TBXT: variants seen among roughly 807,000 people sequenced by gnomAD.
TBXT encodes the protein T-box transcription factor T, also known as T brachyury transcription factor.
In TBXT, 19 loss-of-function variants were observed where a neutral mutation model predicts 41.1. The ratio of observed to expected loss-of-function variants is 0.46; its 90% confidence interval spans 0.32 to 0.68. The LOEUF (loss-of-function observed/expected upper bound fraction) is 0.68. Among genes scored for constraint, TBXT ranks in the 30% least tolerant of loss-of-function variants. The probability of loss-of-function intolerance (pLI) is 0.03; values close to 1 mark genes in which losing one functional copy is unlikely to be tolerated. For missense variants in TBXT, 536 were observed against 582.0 expected (o/e 0.92, Z 0.81); for synonymous variants, 213 against 238.9 (o/e 0.89, Z 1.00).
At chr6:166,166,910 G>A in intron 1 of TBXT, 54 bp from the exon 2 acceptor site, 2 of 1,610,778 alleles carry the variant, frequency 1.2e-6, no homozygotes, top group Non-Finnish European at 1.7e-6. Context: ...AGGTAGGCCG[G>A]AGGCAGAAGC....
Position 166,158,161 on chromosome 6 carries a change from G to A in TBXT, c.*154C>T, listed in dbSNP as rs79882341. On this transcript the variant is annotated 3_prime_UTR_variant, in exon 8 of 8. Transcript: ENST00000366876. ...TGCTGGGGCTCTGGGGAAAGGTGCCGTGTGCTCCTCCACTGCTTTGAAAAG... is the reference window on the plus strand; with the variant it reads ...TGCTGGGGCTCTGGGGAAAGGTGCCATGTGCTCCTCCACTGCTTTGAAAAG... 2.3e-3 allele frequency: 2,669 copies of A among 1,171,876 alleles called. 32 individuals are homozygous for A. The highest frequency in any genetic ancestry group is 0.022 in the African/African-American group (1,466 of 66,912). 72.6% of individuals were successfully genotyped at this position (1,171,876 alleles called of 1,614,324 possible).
At position 166,167,805 on chromosome 6, in the gene TBXT, A is replaced by G; in HGVS notation, c.-214T>C. On this transcript the variant is annotated 5_prime_UTR_variant, in exon 1 of 8. Transcript: ENST00000366876. ...GGGACGGGGGCAGAGGGGTGGGGAG[A>G]AGTTATTCCACTTGAACTCCCCAAG... 3 of 620,154 alleles carry G rather than the reference A, an allele frequency of 4.8e-6. No homozygotes were observed. Among genetic ancestry groups the G allele is most frequent in the Non-Finnish European group, 8.5e-6 (3 of 354,420 alleles). The allele number at this position is 620,154 out of a possible 1,614,324, so 38.4% of individuals were successfully genotyped here. A position where few individuals can be genotyped will look rare whatever the true frequency, so the allele number is the denominator to read the frequency against.
chr6:166,164,696 G>C, intron 4 of TBXT, 30 bp from the exon 5 acceptor site: 1 of 1,611,822 alleles, frequency 6.2e-7, no homozygotes, highest in Non-Finnish European at 8.5e-7. Context: ...AAAGTATATC[G>C]AATTTTCAAA....
chr6:166,166,777 C>A lies in TBXT; in HGVS notation c.286G>T (p.Ala96Ser). 6.2e-7 allele frequency: 1 copy of A among 1,613,878 alleles called. No individual in the cohort carries two copies. Among genetic ancestry groups the A allele is most frequent in the South Asian group, 1.1e-5 (1 of 91,086 alleles). ...AMYSFLLDFV[A>S]ADNHRWKYVN... ...TACTTCCAGCGGTGGTTGTCCGCCG[C>A]CACGAAGTCCAGCAGGAAGGAGTAC... Residue 96 changes from alanine to serine, a missense_variant, in exon 2 of 8, where the codon GCG (alanine) becomes TCG (serine). Physicochemically the swap from Ala to Ser is moderately conservative, Grantham distance 99 (BLOSUM62 1). Coordinates refer to ENST00000366876, the MANE Select transcript of TBXT (RefSeq NM_001366285.2).
upstream of TBXT, chr6:166,167,920 T>G: frequency 2.4e-6 from 1 of 424,072 alleles, no homozygotes; most frequent in East Asian, 4.8e-5. Flanking sequence ...CTCGGCGGAT[T>G]GGGCCGCGCA....
rs923362080 is a variant in TBXT, at chr6:166,167,709, T to C, written c.-118A>G. ...AAAAGGGGCCCCTTGGACCGAGACCTGCGACGGCTCCCGGGTCCCGGGTCC... is the reference window on the plus strand; with the variant it reads ...AAAAGGGGCCCCTTGGACCGAGACCCGCGACGGCTCCCGGGTCCCGGGTCC... On this transcript the variant is annotated 5_prime_UTR_variant, in exon 1 of 8. Coordinates refer to ENST00000366876, the MANE Select transcript of TBXT (RefSeq NM_001366285.2). 7.4e-7 allele frequency: 1 copy of C among 1,343,752 alleles called. No individual in the cohort carries two copies. The highest frequency in any genetic ancestry group is 2.1e-5 in the Admixed American group (1 of 47,038). 83.2% of individuals were successfully genotyped at this position (1,343,752 alleles called of 1,614,324 possible). A position where few individuals can be genotyped will look rare whatever the true frequency, so the allele number is the denominator to read the frequency against.
At chr6:166,161,899 G>T (rs1439550054) in intron 6 of TBXT, among the ~76,000 whole-genome samples, 1 of 151,918 alleles carries the variant, frequency 6.6e-6, no homozygotes, top group Non-Finnish European at 1.5e-5. Context: ...CTCCAGCCTG[G>T]GCGACAGAGC....
Position 166,165,748 on chromosome 6 carries a change from A to G in TBXT, c.564T>C (p.Pro188=). Residue 188 remains proline (P), a synonymous_variant, in exon 3 of 8, where the codon CCT becomes CCC. Transcript: ENST00000366876. ...CAGTCACCGCTATGAACTGGGTCTC[A>G]GGGAAGCAGTGGCTGGTGATCATGC... is the stretch of plus-strand genomic sequence containing the variant. ...PQRMITSHCF[P]ETQFIAVTAY... 1 of 1,613,586 alleles carries G rather than the reference A, an allele frequency of 6.2e-7. No homozygotes were observed. The highest frequency in any genetic ancestry group is 1.1e-5 in the South Asian group (1 of 91,062).
intron 1 of TBXT, among the ~76,000 whole-genome samples, 159 bp from the exon 2 acceptor site, chr6:166,167,015 C>G (rs886964061): frequency 3.3e-5 from 5 of 152,240 alleles, no homozygotes; most frequent in African/African-American, 1.2e-4. Context: ...CGAGCCCTGC[C>G]AGGTCCAGGT....
Position 166,167,617 on chromosome 6 carries a change from C to T in TBXT, c.-26G>A, listed in dbSNP as rs956169775. On this transcript the variant is annotated 5_prime_UTR_variant, in exon 1 of 8. Transcript: ENST00000366876. ...CCTCCCGTCCGGCTCCCCTCCCCGC[C>T]GTCCCCGAAGCCCAGACTCGCTACC... 9 of 1,541,018 alleles carry T rather than the reference C, an allele frequency of 5.8e-6. No individual in the cohort carries two copies. The highest frequency in any genetic ancestry group is 2.4e-5 in the East Asian group (1 of 40,956).
At chr6:166,161,336 G>A (rs1778949685) in intron 6 of TBXT, among the ~76,000 whole-genome samples, 1 of 152,196 alleles carries the variant, frequency 6.6e-6, no homozygotes, top group Non-Finnish European at 1.5e-5. Flanking sequence ...ATGGGCGATA[G>A]AAACCATTAC....
Position 166,157,972 on chromosome 6 carries a change from A to G in TBXT, c.*343T>C, listed in dbSNP as rs1253178771. The G allele has an allele frequency of 5.0e-6, 2 of 401,738 alleles. No individual in the cohort carries two copies. The highest frequency in any genetic ancestry group is 9.3e-6 in the Non-Finnish European group (2 of 215,428). The allele number at this position is 401,738 out of a possible 1,614,324, so 24.9% of individuals were successfully genotyped here. On this transcript the variant is annotated 3_prime_UTR_variant, in exon 8 of 8. Transcript: ENST00000366876. ...GGAGTTTACAAATTCTGGTGTGCCA[A>G]AGTTGCCAATACACTGTATGAGAAA...
At chr6:166,161,086 T>C (rs1778942684) in intron 6 of TBXT, 120 bp from the exon 7 acceptor site, 2 of 1,311,086 alleles carry the variant, frequency 1.5e-6, no homozygotes, top group Admixed American at 3.7e-5. Context: ...GTACATGGGA[T>C]ATTAACTGTA....
intron 3 of TBXT, 37 bp from the exon 4 acceptor site, chr6:166,164,898 C>T (rs1779067346): frequency 6.4e-7 from 1 of 1,565,694 alleles, no homozygotes; most frequent in South Asian, 1.1e-5. Flanking sequence ...AGTATATTCC[C>T]TATTAGCCAG....
rs1778984071 is a variant in TBXT at position 166,162,373 on chromosome 6, C to A, written c.907+74G>T. 5 of 1,548,768 alleles carry A rather than the reference C, an allele frequency of 3.2e-6. 1 individual carries two copies. In the South Asian group the frequency reaches 5.6e-5, roughly 17 times the overall value. ...TCTCCATTTTTTTAGATTCTAGACT[C>A]CTGCAGAATGCCTTTCCCAAAGTGG... On this transcript the variant is annotated intron_variant, in intron 6 of 7. Coordinates refer to ENST00000366876, the MANE Select transcript of TBXT (RefSeq NM_001366285.2).
upstream of TBXT, chr6:166,167,881 A>C: frequency 2.0e-6 from 1 of 508,966 alleles, no homozygotes; most frequent in Non-Finnish European, 3.6e-6. Flanking sequence ...CCTCCCCATA[A>C]ATAGAGCCGC....
At chr6:166,166,941 A>T in intron 1 of TBXT, 85 bp from the exon 2 acceptor site, 6 of 1,601,440 alleles carry the variant, frequency 3.7e-6, no homozygotes, top group Non-Finnish European at 5.1e-6. Context: ...GGCCTCAGTT[A>T]TTTCGGGGCA....
At chr6:166,163,372 T>C (rs1276743102) in intron 5 of TBXT, among the ~76,000 whole-genome samples, 2 of 152,136 alleles carry the variant, frequency 1.3e-5, no homozygotes, top group Non-Finnish European at 2.9e-5. Context: ...AAACTACAAT[T>C]TCTTGTCCAC....
At position 166,160,825 on chromosome 6, in the gene TBXT, G is replaced by A. The variant is rs759705640; in HGVS notation, c.1037+12C>T. 5.0e-6 allele frequency: 8 copies of A among 1,613,946 alleles called. No individual in the cohort carries two copies. In the Admixed American group the frequency reaches 5.0e-5, roughly 10 times the overall value. ...CCAGGATGCTTTGCACCAGGTCCTG[G>A]ACATACATTACCTGGAGCTGGTAGG... On this transcript the variant is annotated intron_variant, in intron 7 of 7. Coordinates refer to ENST00000366876, the MANE Select transcript of TBXT (RefSeq NM_001366285.2).
Sources: gnomAD v4.1 joint callset for allele counts (sites outside exome capture counted in the v4.1 genomes callset) on GRCh38, gnomAD v4.1.1 for gene constraint, MANE v1.5 for transcripts, NCBI Gene and HGNC (gene_info 2026-07-23, HGNC 2026-07-21) for gene names.